Variants in RECQL5 observed in about 807,000 individuals in gnomAD.
RECQL5 encodes RecQ like helicase 5, also known as ATP-dependent DNA helicase Q5.
A neutral mutation model predicts 103.4 loss-of-function variants in RECQL5; 88 were observed. That is an observed-to-expected ratio of 0.85 (90% CI 0.72 to 1.02). The LOEUF (loss-of-function observed/expected upper bound fraction) is 1.02. Ranked by LOEUF, RECQL5 falls within the 50% of genes least tolerant of loss-of-function variation. RECQL5 has a pLI of 0.00. For synonymous variants in RECQL5, 552 were observed against 507.9 expected, an observed-to-expected ratio of 1.09 and a Z score of -1.17; for missense variants, 1,232 against 1,284.3, an observed-to-expected ratio of 0.96 and a Z score of 0.62.
intron 13 of RECQL5, 126 bp from the exon 14 acceptor site, chr17:75,630,403 G>C (rs2059185070): frequency 1.0e-6 from 1 of 959,934 alleles, no homozygotes; most frequent in East Asian, 2.6e-5. Context: ...AGGGCTCTCT[G>C]AGCACCCTGT....
chr17:75,628,147 C>T, intron 18 of RECQL5, 71 bp downstream of exon 18: 1 of 1,348,852 alleles, frequency 7.4e-7, no homozygotes, highest in Non-Finnish European at 1.1e-6. Context: ...CTCAAACTCC[C>T]TGCCTCCCAC....
intron 8 of RECQL5, chr17:75,633,706 C>T: frequency 8.8e-7 from 1 of 1,131,056 alleles, no homozygotes; most frequent in Non-Finnish European, 1.1e-6. Context: ...GGTGGCCTTC[C>T]TGAGGGCAGG....
intron 8 of RECQL5, 146 bp downstream of exon 8, chr17:75,651,040 C>T: frequency 6.4e-7 from 1 of 1,555,984 alleles, no homozygotes; most frequent in Non-Finnish European, 8.6e-7. Context: ...GTCCTGACTT[C>T]CACACTGCCC....
At chr17:75,635,536 C>A (rs1480983321) in intron 8 of RECQL5, among the ~76,000 whole-genome samples, 1 of 152,174 alleles carries the variant, frequency 6.6e-6, no homozygotes, top group East Asian at 1.9e-4. Flanking sequence ...GCAGGGCCTG[C>A]CAGGGGTTCA....
At chr17:75,641,051 G>A in intron 8 of RECQL5, 1 of 1,354,364 alleles carries the variant, frequency 7.4e-7, no homozygotes. Flanking sequence ...GACAACTTGA[G>A]CCCTACCAAG....
intron 13 of RECQL5, 109 bp downstream of exon 13, chr17:75,630,509 GT>G: frequency 8.4e-7 from 1 of 1,191,862 alleles, no homozygotes; most frequent in Non-Finnish European, 1.2e-6. Context: ...AGTAGGAGAG[GT>G]ACAATCTGGG....
At chr17:75,630,743 C>T (rs750934887) in intron 12 of RECQL5, 36 bp downstream of exon 12, 10 of 1,598,910 alleles carry the variant, frequency 6.3e-6, no homozygotes, top group African/African-American at 2.7e-5. Flanking sequence ...TGGGGGAGGG[C>T]CCCGGCGGGT....
intron 8 of RECQL5, among the ~76,000 whole-genome samples, chr17:75,634,942 A>G (rs535897997): frequency 4.6e-5 from 7 of 151,990 alleles, no homozygotes; most frequent in African/African-American, 7.2e-5. Flanking sequence ...ACATGACACC[A>G]CCCCTAAGGA....
chr17:75,628,404 G>A lies in RECQL5; in HGVS notation c.2619C>T (p.Pro873=). The A allele has an allele frequency of 1.9e-6, 3 of 1,613,902 alleles. No individual in the cohort carries two copies. Among genetic ancestry groups the A allele is most frequent in the African/African-American group, 1.3e-5 (1 of 75,048 alleles). ...CAGCTACGACGGAGGGCTTGGCTGA[G>A]GGGCGTGGCCTCTTCTGAGGCTGGC... is the stretch of plus-strand genomic sequence containing the variant. ...PESQPQKRPR[P]SAKPSVVAEV... Residue 873 remains proline (P), a synonymous_variant, in exon 18 of 20, where the codon CCC becomes CCT. Coordinates refer to ENST00000317905, the MANE Select transcript of RECQL5 (RefSeq NM_004259.7).
intron 8 of RECQL5, chr17:75,649,571 G>A: frequency 1.1e-6 from 1 of 947,936 alleles, no homozygotes; most frequent in Non-Finnish European, 1.3e-6. Flanking sequence ...GATCGCTGGT[G>A]GGAGGCTGCT....
At chr17:75,658,056 G>T (rs1423352903) in intron 7 of RECQL5, among the ~76,000 whole-genome samples, 1 of 150,914 alleles carries the variant, frequency 6.6e-6, no homozygotes, top group East Asian at 1.9e-4. Context: ...TCAAAAAAAA[G>T]AAAAAAGAAA....
Position 75,666,479 on chromosome 17 carries a change from C to G in RECQL5, c.79G>C (p.Asp27His). 1 of 1,614,140 alleles carries G rather than the reference C, an allele frequency of 6.2e-7. No homozygotes were observed. Among genetic ancestry groups the G allele is most frequent in the African/African-American group, 1.3e-5 (1 of 75,028 alleles). The change falls in exon 2 of 20, where the codon GAC becomes CAC. Residue 27 changes from aspartate (D) to histidine (H), a missense_variant. Physicochemically the swap from Asp to His is moderately conservative, Grantham distance 81. Transcript: ENST00000317905. ...TCCTGTAAAGGCGTCTTAAAAGAGT[C>G]AAACCCAAAGACCTTCTTCAGCGTA... ...RSTLKKVFGFDSFKTPLQESA... is the reference protein window; with the variant it reads ...RSTLKKVFGFHSFKTPLQESA...
Position 75,628,213 on chromosome 17 carries a change from C to G in RECQL5, c.2805+5G>C. 6.2e-7 allele frequency: 1 copy of G among 1,612,926 alleles called. No homozygotes were observed. Among genetic ancestry groups the G allele is most frequent in the Non-Finnish European group, 8.5e-7 (1 of 1,178,958 alleles). ...GAGAAGGCAGAGCCCACTCACTCCC[C>G]CTACCTTGGAAGCAAACTTGCCCTC... is the stretch of plus-strand genomic sequence containing the variant. On this transcript the variant is annotated splice_donor_5th_base_variant and intron_variant, in intron 18 of 19. Coordinates refer to ENST00000317905, the MANE Select transcript of RECQL5 (RefSeq NM_004259.7).
At chr17:75,664,435 A>G (rs779263246) in intron 3 of RECQL5, among the ~76,000 whole-genome samples, 2 of 152,164 alleles carry the variant, frequency 1.3e-5, no homozygotes, top group Non-Finnish European at 2.9e-5. Context: ...TATACATGAG[A>G]CTGAGTGTAT....
In RECQL5 at chr17:75,661,069, G is replaced by A. The variant is rs2059692265; in HGVS notation, c.875-3C>T. The A allele has an allele frequency of 7.5e-6, 12 of 1,610,096 alleles. No homozygotes were observed. Among genetic ancestry groups the A allele is most frequent in the Admixed American group, 1.7e-5 (1 of 60,004 alleles). On this transcript the variant is annotated splice_region_variant and splice_polypyrimidine_tract_variant and intron_variant, in intron 5 of 19. Coordinates refer to ENST00000317905, the MANE Select transcript of RECQL5 (RefSeq NM_004259.7). ...CGTTCTTTCAGAGGCCTTCAGCCCT[G>A]TAAAGGAGGGGAAGATGGAGAAGGG...
At chr17:75,650,008 A>T in intron 8 of RECQL5, 1 of 985,628 alleles carries the variant, frequency 1.0e-6, no homozygotes, top group Non-Finnish European at 1.2e-6. Context: ...CCCTCCAGAG[A>T]GCATTCCAGA....
intron 8 of RECQL5, chr17:75,638,435 C>G (rs2059369069): frequency 6.6e-6 from 1 of 152,368 alleles, no homozygotes; most frequent in Non-Finnish European, 1.5e-5. Flanking sequence ...GAGCTGAGAT[C>G]ATGCCATTGC....
intron 2 of RECQL5, among the ~76,000 whole-genome samples, chr17:75,666,147 C>T (rs987101352): frequency 6.6e-6 from 1 of 152,026 alleles, no homozygotes; most frequent in Non-Finnish European, 1.5e-5. Flanking sequence ...AGCTTTGGGC[C>T]GGGCGTGGTG....
chr17:75,630,845 G>A lies in RECQL5; in HGVS notation c.1586-8C>T, dbSNP rs74632503. 15 of 1,398,004 alleles carry A rather than the reference G, an allele frequency of 1.1e-5. 1 individual carries two copies. Among genetic ancestry groups the A allele is most frequent in the South Asian group, 2.7e-5 (2 of 72,742 alleles). The allele number at this position is 1,398,004 out of a possible 1,614,324, so 86.6% of individuals were successfully genotyped here. A position where few individuals can be genotyped will look rare whatever the true frequency, so the allele number is the denominator to read the frequency against. On this transcript the variant is annotated splice_polypyrimidine_tract_variant and splice_region_variant and intron_variant, in intron 11 of 19. Transcript: ENST00000317905. ...TCAGGGGACAGTTCTCATCTGTGGG[G>A]GGGGGGGGTGGTCCTTGGTCCTTTC... is the stretch of plus-strand genomic sequence containing the variant.
Sources: gnomAD v4.1 joint callset for allele counts (sites outside exome capture counted in the v4.1 genomes callset) on GRCh38, gnomAD v4.1.1 for gene constraint, MANE v1.5 for transcripts, NCBI Gene and HGNC (gene_info 2026-07-23, HGNC 2026-07-21) for gene names.